The following MBD5 variants were observed in gnomAD, a reference collection of about 807,000 sequenced individuals.
The protein encoded by MBD5 is methyl-CpG-binding domain protein 5.
In MBD5, 13 loss-of-function variants were observed where a neutral mutation model predicts 117.3. The ratio of observed to expected loss-of-function variants is 0.11; its 90% CI spans 0.07 to 0.18. The LOEUF (loss-of-function observed/expected upper bound fraction) is 0.18, where lower values mean the gene tolerates loss of function less well. Ranked by LOEUF, MBD5 falls within the 10% of genes least tolerant of loss-of-function variation. The probability of loss-of-function intolerance (pLI) is 1.00; values close to 1 mark genes in which losing one functional copy is unlikely to be tolerated. For synonymous variants in MBD5, 727 were observed against 766.4 expected (o/e 0.95, Z 0.85); for missense variants, 1,879 against 2,093.8 (o/e 0.90, Z 2.00).
At chr2:148,041,084 C>T (rs935644620) in intron 1 of MBD5, 1 of 152,296 alleles carries the variant, frequency 6.6e-6, no homozygotes, top group Non-Finnish European at 1.5e-5. Context: ...ACCTCAGCCT[C>T]CTGGGACTAA....
intron 2 of MBD5, among the ~76,000 whole-genome samples, chr2:148,183,657 T>G (rs183703210): frequency 1.4e-3 from 213 of 152,248 alleles, no homozygotes; most frequent in African/African-American, 4.8e-3. Context: ...TATGCCCCTA[T>G]GTTCTCCTTT....
chr2:148,336,210 A>T (rs1327488459), intron 3 of MBD5, among the ~76,000 whole-genome samples: 1 of 152,180 alleles, frequency 6.6e-6, no homozygotes, highest in African/African-American at 2.4e-5. Context: ...AAATCTGTAA[A>T]ACATTGTTTG....
At chr2:148,135,604 G>C (rs1230452630) in intron 1 of MBD5, among the ~76,000 whole-genome samples, 2 of 152,068 alleles carry the variant, frequency 1.3e-5, no homozygotes, top group Non-Finnish European at 2.9e-5. Context: ...TTCTGTCTTT[G>C]ATTTGTGTAC....
chr2:148,433,392 A>G (rs913512734), intron 4 of MBD5, among the ~76,000 whole-genome samples: 1 of 152,078 alleles, frequency 6.6e-6, no homozygotes, highest in African/African-American at 2.4e-5. Context: ...ACTATGTTGA[A>G]TAGGAGTGGT....
intron 1 of MBD5, among the ~76,000 whole-genome samples, chr2:148,108,164 G>T (rs1696417736): frequency 6.6e-6 from 1 of 152,110 alleles, no homozygotes. Context: ...TGAGTACTGT[G>T]TCATAGTGCT....
intron 4 of MBD5, among the ~76,000 whole-genome samples, chr2:148,432,069 A>T (rs1706006250): frequency 6.6e-6 from 1 of 151,906 alleles, no homozygotes; most frequent in African/African-American, 2.4e-5. Context: ...AGCCATTCTG[A>T]TTGGTGTCAG....
chr2:148,213,640 T>A (rs1699483468), intron 2 of MBD5, among the ~76,000 whole-genome samples: 1 of 152,222 alleles, frequency 6.6e-6, no homozygotes, highest in South Asian at 2.1e-4. Flanking sequence ...CTAAATTAAC[T>A]GATTTTAATT....
At chr2:148,286,176 G>A (rs1269803898) in intron 3 of MBD5, among the ~76,000 whole-genome samples, 5 of 151,958 alleles carry the variant, frequency 3.3e-5, no homozygotes, top group East Asian at 1.9e-4. Context: ...CTTTTTTTCC[G>A]TTTTAATACA....
At chr2:148,459,547 A>G (rs1283790834) in intron 5 of MBD5, among the ~76,000 whole-genome samples, 1 of 152,184 alleles carries the variant, frequency 6.6e-6, no homozygotes, top group Non-Finnish European at 1.5e-5. Context: ...TCCCTACTTC[A>G]TAGTTTTTCT....
intron 1 of MBD5, among the ~76,000 whole-genome samples, chr2:148,102,756 A>AGG (rs1696263157): frequency 2.6e-5 from 3 of 114,496 alleles, no homozygotes; most frequent in Non-Finnish European, 5.9e-5. Context: ...AGAGAGAGAG[A>AGG]GAGAGGAAGA....
chr2:148,124,614 T>C (rs1022706649), intron 1 of MBD5, among the ~76,000 whole-genome samples: 5 of 152,106 alleles, frequency 3.3e-5, no homozygotes, highest in African/African-American at 4.8e-5. Flanking sequence ...TTTTAAAAGA[T>C]AGAAAGTGAA....
chr2:148,433,301 CA>C (rs1180499522), intron 4 of MBD5, among the ~76,000 whole-genome samples: 1 of 152,256 alleles, frequency 6.6e-6, no homozygotes, highest in East Asian at 1.9e-4. Flanking sequence ...CATCTGCAAA[CA>C]GGGGTAGTTT....
intron 1 of MBD5, among the ~76,000 whole-genome samples, chr2:148,061,620 T>G (rs909804372): frequency 6.6e-6 from 1 of 151,864 alleles, no homozygotes; most frequent in Non-Finnish European, 1.5e-5. Context: ...TTCATTATTA[T>G]ATTACAGCAG....
chr2:148,458,952 G>A lies in MBD5; in HGVS notation c.113+81G>A, dbSNP rs557419832. On this transcript the variant is annotated intron_variant, in intron 5 of 13. Coordinates refer to ENST00000642680, the MANE Select transcript of MBD5 (RefSeq NM_001378120.1). The stretch of plus-strand genomic sequence containing the variant: ...AGAGAACCAAGCATGGTGACTGATG[G>A]CACCTCATATAAATGTGAAAAAGTG... 2.3e-5 allele frequency: 25 copies of A among 1,070,892 alleles called. No homozygotes were observed. In the African/African-American group the frequency reaches 2.6e-4, roughly 11 times the overall value. 66.3% of individuals were successfully genotyped at this position (1,070,892 alleles called of 1,614,324 possible).
rs1443286879 is a variant in MBD5 at position 148,246,871 on chromosome 2, A to C, written c.-680+13476A>C. ...GGTTTACCAATATGAGACATTATAG[A>C]AAGAAGTTATAGATCATTTGTCTAT... On this transcript the variant is annotated intron_variant, in intron 3 of 13. Transcript: ENST00000642680. Among the ~76,000 whole-genome samples the C allele has an allele frequency of 1.3e-5, 2 of 152,092 alleles. 1 individual carries two copies. The highest frequency in any genetic ancestry group is 6.3e-3 in the Middle Eastern group (2 of 316).
intron 4 of MBD5, among the ~76,000 whole-genome samples, chr2:148,364,648 T>A (rs903589361): frequency 6.6e-6 from 1 of 152,096 alleles, no homozygotes; most frequent in Middle Eastern, 3.2e-3. Flanking sequence ...TGGAGGAATA[T>A]TTACCAAGCA....
intron 1 of MBD5, chr2:148,044,293 A>G (rs2105707495): frequency 6.6e-6 from 1 of 152,342 alleles, no homozygotes; most frequent in Admixed American, 6.5e-5. Context: ...GGGACATGCC[A>G]TTATCTCATT....
intron 2 of MBD5, among the ~76,000 whole-genome samples, chr2:148,210,139 T>C (rs12479262): frequency 0.11 from 16,317 of 152,242 alleles, 915 homozygotes; most frequent in South Asian, 0.16. Context: ...TAATAGATCT[T>C]AATTTTATTT....
chr2:148,386,473 C>T (rs962086357), intron 4 of MBD5, among the ~76,000 whole-genome samples: 6 of 152,100 alleles, frequency 3.9e-5, no homozygotes, highest in African/African-American at 1.4e-4. Context: ...AATCCCAGCA[C>T]TTTGGGAGGC....
Sources: allele counts gnomAD v4.1 joint callset (sites outside exome capture counted in the v4.1 genomes callset), GRCh38; gene constraint gnomAD v4.1.1; transcripts MANE v1.5; gene names NCBI Gene and HGNC (gene_info 2026-07-23, HGNC 2026-07-21).